KAZN: variants seen among roughly 807,000 people sequenced by gnomAD.
The protein encoded by KAZN is kazrin, periplakin interacting protein, also known as kazrin.
A neutral mutation model predicts 87.4 loss-of-function variants in KAZN; 40 were observed. The ratio of observed to expected loss-of-function variants is 0.46; its 90% confidence interval spans 0.36 to 0.60. The LOEUF (loss-of-function observed/expected upper bound fraction) is 0.60. Among genes scored for constraint, KAZN ranks in the 20% least tolerant of loss-of-function variants. The pLI, the probability that KAZN is intolerant of heterozygous loss-of-function variation, is 0.00. For synonymous variants in KAZN, 466 were observed against 458.3 expected (o/e 1.02, Z -0.22); for missense variants, 898 against 1,073.9 (o/e 0.84, Z 2.29).
intron 1 of KAZN, among the ~76,000 whole-genome samples, chr1:14,682,023 T>A (rs566337690): frequency 6.6e-6 from 1 of 152,072 alleles, no homozygotes; most frequent in Admixed American, 6.5e-5. Context: ...TCAGCAGCAT[T>A]AAGTTACATC....
chr1:14,659,333 A>G (rs188379589), intron 1 of KAZN, among the ~76,000 whole-genome samples: 2 of 152,340 alleles, frequency 1.3e-5, no homozygotes, highest in African/African-American at 4.8e-5. Context: ...AATTAGAGAT[A>G]GTTCTATAGG....
intron 10 of KAZN, among the ~76,000 whole-genome samples, chr1:15,100,005 A>G (rs1320929223): frequency 2.6e-5 from 4 of 152,162 alleles, no homozygotes; most frequent in Admixed American, 2.0e-4. Context: ...TGAGCCATTA[A>G]GTATGACACG....
chr1:14,945,957 T>C (rs1241923827), intron 1 of KAZN: 1 of 982,584 alleles, frequency 1.0e-6, no homozygotes, highest in Non-Finnish European at 1.2e-6. Flanking sequence ...GGAGGGCTCA[T>C]GGGTGCCAGG....
At chr1:14,089,616 T>C (rs1277486768) in intron 1 of KAZN, among the ~76,000 whole-genome samples, 1 of 152,058 alleles carries the variant, frequency 6.6e-6, no homozygotes, top group Non-Finnish European at 1.5e-5. Context: ...ACACTGCATG[T>C]GGTCTAAACT....
rs1638333395 is a variant in KAZN at position 15,056,892 on chromosome 1, C to T, written c.916+612C>T. ...CTCCAAACTTCTCGCTGTCCTGTTG[C>T]ACGTCTGCAGGCCACCTTGCTCTGT... On this transcript the variant is annotated intron_variant, in intron 5 of 14. Transcript: ENST00000376030. This position sits in a 1 kb window ranked among gnomAD's most constrained non-coding sequence, Gnocchi z 5.4. Among the ~76,000 whole-genome samples the T allele has an allele frequency of 6.6e-6, 1 of 152,270 alleles. No individual in the cohort carries two copies. The highest frequency in any genetic ancestry group is 1.5e-5 in the Non-Finnish European group (1 of 68,052).
chr1:15,015,343 G>A (rs1669980571), intron 2 of KAZN, among the ~76,000 whole-genome samples: 1 of 152,054 alleles, frequency 6.6e-6, no homozygotes, highest in Admixed American at 6.5e-5. Flanking sequence ...AGTAGAGACG[G>A]GATTTCGCCA....
At chr1:14,384,909 A>C (rs1661731328) in intron 2 of KAZN, among the ~76,000 whole-genome samples, 1 of 151,420 alleles carries the variant, frequency 6.6e-6, no homozygotes, top group African/African-American at 2.4e-5. Flanking sequence ...TCCTCCTTGT[A>C]CCTCTGGTAG....
intron 2 of KAZN, among the ~76,000 whole-genome samples, chr1:14,196,592 C>T (rs185624453): frequency 1.4e-4 from 21 of 151,868 alleles, no homozygotes; most frequent in South Asian, 4.2e-4. Flanking sequence ...GAAGGGAAGG[C>T]GAGTGAGAAG....
At chr1:14,478,808 G>T (rs1668915466) in intron 2 of KAZN, among the ~76,000 whole-genome samples, 1 of 152,170 alleles carries the variant, frequency 6.6e-6, no homozygotes, top group Non-Finnish European at 1.5e-5. Context: ...CTCTGCTGTG[G>T]TCAGAGTGTG....
chr1:15,059,716 T>C (rs1638618436), intron 5 of KAZN, among the ~76,000 whole-genome samples: 1 of 152,038 alleles, frequency 6.6e-6, no homozygotes, highest in African/African-American at 2.4e-5. Flanking sequence ...GGGAAACCGA[T>C]TTGGGGCAGT....
intron 2 of KAZN, among the ~76,000 whole-genome samples, chr1:14,419,210 G>A (rs1237713732): frequency 1.3e-5 from 2 of 152,290 alleles, no homozygotes; most frequent in East Asian, 3.9e-4. Context: ...ACGCTGTGAG[G>A]ACACTGTTCC....
chr1:14,162,618 C>T (rs1010680681), intron 1 of KAZN, among the ~76,000 whole-genome samples: 3 of 150,474 alleles, frequency 2.0e-5, no homozygotes, highest in African/African-American at 7.4e-5. Context: ...GGTCTGGGCT[C>T]ACTGCAAGCT....
intron 2 of KAZN, among the ~76,000 whole-genome samples, chr1:14,567,195 T>C (rs1369722451): frequency 2.0e-5 from 3 of 152,148 alleles, no homozygotes; most frequent in African/African-American, 7.2e-5. Flanking sequence ...TTAGATGGCA[T>C]AGTTTCAATA....
rs1303345359 is a variant in KAZN at position 14,459,260 on chromosome 1, C to CGCGTGTGT, written c.250-139722_250-139721insCGTGTGTG. On this transcript the variant is annotated intron_variant, in intron 2 of 16. Coordinates refer to the KAZN transcript ENST00000636203. ...TCAAGGGGGATATGGTGTGTGTGCG[C>CGCGTGTGT]GTGTGTGTGTGTGTGTGTGTGTATA... 3.8e-3 allele frequency among the ~76,000 whole-genome samples: 445 copies of CGCGTGTGT among 118,104 alleles called. 2 individuals carry two copies. Among genetic ancestry groups the CGCGTGTGT allele is most frequent in the Non-Finnish European group, 5.8e-3 (297 of 51,064 alleles). The allele number at this position is 118,104 out of a possible 152,430, so 77.5% of individuals were successfully genotyped here.
chr1:15,094,932 A>C lies in KAZN; in HGVS notation c.1546A>C (p.Ser516Arg). 1.9e-6 allele frequency: 3 copies of C among 1,547,466 alleles called. No homozygotes were observed. Among genetic ancestry groups the C allele is most frequent in the Non-Finnish European group, 2.6e-6 (3 of 1,144,696 alleles). Residue 516 changes from serine (S) to arginine (R), a missense_variant and splice_region_variant, in exon 10 of 15, where the codon AGC (serine) becomes CGC (arginine). By Grantham distance (110) the Ser-to-Arg change is moderately radical (BLOSUM62 -1). Coordinates refer to ENST00000376030, the MANE Select transcript of KAZN (RefSeq NM_201628.3). This position sits in a 1 kb window ranked among gnomAD's most constrained non-coding sequence, Gnocchi z 4.5. Reference protein sequence around the residue: ...EDYRDAEAGRSLSKAAELDHH... With the variant: ...EDYRDAEAGRRLSKAAELDHH... Reference sequence around the variant, plus strand: ...CTACCGTGATGCCGAGGCAGGCCGCAGGTGAGCCCACCACGAGGGGCCCCG... The same window carrying C: ...CTACCGTGATGCCGAGGCAGGCCGCCGGTGAGCCCACCACGAGGGGCCCCG...
Position 14,756,714 on chromosome 1 carries a change from T to TGGGCATTGTGAATATACC in KAZN, c.226+157492_226+157509dup, listed in dbSNP as rs1160371344. On this transcript the variant is annotated intron_variant, in intron 1 of 14. Coordinates refer to ENST00000376030, the MANE Select transcript of KAZN (RefSeq NM_201628.3). Reference sequence around the variant, plus strand: ...CTTCATCTCTTCAACTCCCCAGGTCTGGGCATTGTGAATATACCAGGCATT... The same window carrying TGGGCATTGTGAATATACC: ...CTTCATCTCTTCAACTCCCCAGGTCTGGGCATTGTGAATATACCGGGCATTGTGAATATACCAGGCATT... 2.6e-5 allele frequency among the ~76,000 whole-genome samples: 4 copies of TGGGCATTGTGAATATACC among 152,342 alleles called. No individual in the cohort carries two copies. In the East Asian group the frequency reaches 7.7e-4, roughly 29 times the overall value.
intron 2 of KAZN, among the ~76,000 whole-genome samples, chr1:14,517,158 A>G (rs944987847): frequency 6.6e-6 from 1 of 151,986 alleles, no homozygotes; most frequent in African/African-American, 2.4e-5. Flanking sequence ...CTCAGAGATG[A>G]CCGTGTGACC....
At chr1:14,261,225 G>A (rs1571168535) in intron 2 of KAZN, among the ~76,000 whole-genome samples, 2 of 152,148 alleles carry the variant, frequency 1.3e-5, no homozygotes, top group East Asian at 3.9e-4. Flanking sequence ...TTGCTGGTCT[G>A]AGACTCAGTT....
chr1:14,399,878 C>G (rs1440956329), intron 2 of KAZN, among the ~76,000 whole-genome samples: 1 of 152,204 alleles, frequency 6.6e-6, no homozygotes, highest in African/African-American at 2.4e-5. Flanking sequence ...GGACCATGAA[C>G]TCCTTGAAGA....
Sources: allele counts gnomAD v4.1 joint callset (sites outside exome capture counted in the v4.1 genomes callset), GRCh38; gene constraint gnomAD v4.1.1; non-coding constraint Gnocchi (gnomAD v3.1); transcripts MANE v1.5; gene names NCBI Gene and HGNC (gene_info 2026-07-23, HGNC 2026-07-21).